PKHD1L1: variants seen among roughly 807,000 people sequenced by gnomAD.
PKHD1L1 encodes fibrocystin-L.
PKHD1L1 carries 434 observed loss-of-function variants against 462.9 expected under a neutral mutation model. The ratio of observed to expected loss-of-function variants is 0.94; its 90% CI spans 0.87 to 1.02. PKHD1L1 has a LOEUF of 1.02. PKHD1L1 is among the 50% of genes least tolerant of loss of function. PKHD1L1 has a pLI of 0.00. For synonymous variants in PKHD1L1, 1,781 were observed against 1,750.0 expected (o/e 1.02, Z -0.44); for missense variants, 5,202 against 5,096.1 (o/e 1.02, Z -0.63).
rs751818771 is a variant in PKHD1L1, at chr8:109,433,186, C to G, written c.3310C>G (p.Pro1104Ala). ...PSSAVTVSVG[P>A]VGCSLLSVDE... ...TTCAGCTGTAACAGTCTCAGTTGGA[C>G]CAGTAGGTTGTTCTCTTCTTTCTGT... Residue 1104 changes from proline to alanine, a missense_variant, in exon 28 of 78, where the codon CCA (proline) becomes GCA (alanine). By Grantham distance (27) the Pro-to-Ala change is conservative (BLOSUM62 -1). Coordinates refer to ENST00000378402, the MANE Select transcript of PKHD1L1 (RefSeq NM_177531.6). 5.6e-6 allele frequency: 9 copies of G among 1,613,092 alleles called. No homozygotes were observed. The highest frequency in any genetic ancestry group is 7.6e-6 in the Non-Finnish European group (9 of 1,179,406).
At chr8:109,409,296 T>G (rs955532768) in intron 18 of PKHD1L1, among the ~76,000 whole-genome samples, 1 of 152,054 alleles carries the variant, frequency 6.6e-6, no homozygotes, top group Non-Finnish European at 1.5e-5. Context: ...GTCACCAGGC[T>G]GGAATGCAGT....
chr8:109,369,140 G>A (rs1036183261), intron 2 of PKHD1L1, among the ~76,000 whole-genome samples: 5 of 152,006 alleles, frequency 3.3e-5, no homozygotes, highest in Non-Finnish European at 5.9e-5. Context: ...CACTACCCCC[G>A]GCTAATTTTT....
At chr8:109,410,018 GA>G in intron 19 of PKHD1L1, 40 bp downstream of exon 19, 1 of 1,077,566 alleles carries the variant, frequency 9.3e-7, no homozygotes, top group Non-Finnish European at 1.3e-6. Flanking sequence ...GACCTAATAA[GA>G]ATTTATATAA....
chr8:109,378,695 G>C (rs1811957951), intron 2 of PKHD1L1, among the ~76,000 whole-genome samples: 1 of 152,160 alleles, frequency 6.6e-6, no homozygotes, highest in African/African-American at 2.4e-5. Flanking sequence ...GGTAGGCAGA[G>C]CCATGATCAG....
intron 12 of PKHD1L1, among the ~76,000 whole-genome samples, chr8:109,399,563 TG>T (rs1036427344): frequency 3.9e-5 from 6 of 152,130 alleles, no homozygotes; most frequent in Non-Finnish European, 5.9e-5. Context: ...GTAGAAGTAA[TG>T]TTTTTTTTAA....
rs1819129364 is a variant in PKHD1L1, at chr8:109,497,085, T to C, written c.10476+18T>C. 3 of 1,612,648 alleles carry C rather than the reference T, an allele frequency of 1.9e-6. No individual in the cohort carries two copies. Among genetic ancestry groups the C allele is most frequent in the Middle Eastern group, 1.6e-4 (1 of 6,080 alleles). On this transcript the variant is annotated intron_variant, in intron 64 of 77. Coordinates refer to ENST00000378402, the MANE Select transcript of PKHD1L1 (RefSeq NM_177531.6). Reference sequence around the variant, plus strand: ...ATTTTCAGGTAATTATGATTAAAGATGGTGATTGTTTATTTTCTTTTATGA... The same window carrying C: ...ATTTTCAGGTAATTATGATTAAAGACGGTGATTGTTTATTTTCTTTTATGA...
rs1037681730 is a variant in PKHD1L1, at chr8:109,406,411, A to G, written c.1746A>G (p.Thr582=). The change falls in exon 17 of 78, where the codon ACA becomes ACG. Residue 582 remains threonine, a synonymous_variant. Transcript: ENST00000378402. The part of the protein sequence containing the change: ...LNDLWSIKPD[T]VQVIRTQNPQ... ...ACCTCTGGTCTATAAAACCGGACAC[A>G]GTTCAAGTAATAAGAACACAAAATC... 1.3e-6 allele frequency: 2 copies of G among 1,589,880 alleles called. No homozygotes were observed. The highest frequency in any genetic ancestry group is 1.3e-5 in the African/African-American group (1 of 74,678).
At chr8:109,390,067 A>G (rs1812641753) in intron 8 of PKHD1L1, among the ~76,000 whole-genome samples, 1 of 152,058 alleles carries the variant, frequency 6.6e-6, no homozygotes, top group Non-Finnish European at 1.5e-5. Context: ...TCTGTTATAG[A>G]AGAAGGACAA....
intron 57 of PKHD1L1, among the ~76,000 whole-genome samples, 151 bp downstream of exon 57, chr8:109,483,256 G>A (rs866249598): frequency 3.3e-5 from 5 of 151,648 alleles, no homozygotes; most frequent in African/African-American, 4.8e-5. Flanking sequence ...AAATGTATCC[G>A]ATAGGAGGCA....
At chr8:109,398,791 A>G (rs1813104967) in intron 12 of PKHD1L1, among the ~76,000 whole-genome samples, 1 of 152,160 alleles carries the variant, frequency 6.6e-6, no homozygotes, top group East Asian at 1.9e-4. Context: ...TGAAAATAGC[A>G]CATCTCTACT....
chr8:109,458,020 T>C (rs778091240), intron 46 of PKHD1L1, among the ~76,000 whole-genome samples: 1 of 152,202 alleles, frequency 6.6e-6, no homozygotes, highest in East Asian at 1.9e-4. Context: ...CATCCACCCA[T>C]TGTCTTGATA....
chr8:109,459,435 GAAT>G (rs1465541032), intron 46 of PKHD1L1, among the ~76,000 whole-genome samples, 157 bp from the exon 47 acceptor site: 2 of 119,290 alleles, frequency 1.7e-5, no homozygotes, highest in Non-Finnish European at 3.9e-5. Flanking sequence ...AATCAAGCAA[GAAT>G]AAAATATTTT....
At chr8:109,525,792 G>T (rs1361600518) in intron 76 of PKHD1L1, among the ~76,000 whole-genome samples, 2 of 152,132 alleles carry the variant, frequency 1.3e-5, no homozygotes, top group African/African-American at 4.8e-5. Flanking sequence ...ATACACCATT[G>T]TCAGGAATTG....
intron 6 of PKHD1L1, 115 bp downstream of exon 6, chr8:109,385,745 G>T: frequency 1.2e-4 from 57 of 480,226 alleles, no homozygotes; most frequent in East Asian, 3.2e-4. Context: ...ACTAACCAGT[G>T]TTTTTTTTTT....
intron 53 of PKHD1L1, among the ~76,000 whole-genome samples, chr8:109,479,272 C>T (rs1325776262): frequency 1.1e-4 from 17 of 152,130 alleles, no homozygotes; most frequent in Admixed American, 1.1e-3. Context: ...CTGCCACCCC[C>T]ATCCCAGCCC....
intron 77 of PKHD1L1, among the ~76,000 whole-genome samples, chr8:109,528,881 G>C (rs935713726): frequency 1.3e-5 from 2 of 152,144 alleles, no homozygotes; most frequent in Non-Finnish European, 2.9e-5. Flanking sequence ...GGGAAATGTT[G>C]AGTAGGGGTA....
intron 50 of PKHD1L1, chr8:109,470,068 A>G (rs1817643119): frequency 2.4e-6 from 1 of 419,682 alleles, no homozygotes; most frequent in Non-Finnish European, 4.2e-6. Flanking sequence ...ACTTTTTCAG[A>G]AACACAGACA....
chr8:109,383,210 TA>T (rs1331621537), intron 4 of PKHD1L1, among the ~76,000 whole-genome samples: 1 of 85,692 alleles, frequency 1.2e-5, no homozygotes, highest in South Asian at 3.1e-4. Flanking sequence ...ATATATTATA[TA>T]ATATAATTAT....
chr8:109,441,157 G>A (rs1299427337), intron 33 of PKHD1L1, 118 bp from the exon 34 acceptor site: 1 of 718,758 alleles, frequency 1.4e-6, no homozygotes, highest in African/African-American at 1.8e-5. Flanking sequence ...GCTATATAAG[G>A]CAGAGTTTTT....
Sources: allele counts gnomAD v4.1 joint callset (sites outside exome capture counted in the v4.1 genomes callset), GRCh38; gene constraint gnomAD v4.1.1; transcripts MANE v1.5; gene names NCBI Gene and HGNC (gene_info 2026-07-23, HGNC 2026-07-21).